MCC: variants seen among roughly 807,000 people sequenced by gnomAD.
MCC encodes the protein colorectal mutant cancer protein.
MCC carries 90 observed loss-of-function variants against 116.2 expected under a neutral mutation model. The ratio of observed to expected loss-of-function variants is 0.77; its 90% confidence interval spans 0.65 to 0.92. MCC has a LOEUF of 0.92. MCC is among the 40% of genes least tolerant of loss of function. The pLI, the probability that MCC is intolerant of heterozygous loss-of-function variation, is 0.00. For synonymous variants in MCC, 578 were observed against 510.5 expected (o/e 1.13, Z -1.78); for missense variants, 1,516 against 1,312.2 (o/e 1.16, Z -2.40).
intron 1 of MCC, among the ~76,000 whole-genome samples, chr5:113,467,014 C>G (rs1026556972): frequency 2.0e-5 from 3 of 151,742 alleles, no homozygotes; most frequent in African/African-American, 7.3e-5. Flanking sequence ...ATCCTTTGCC[C>G]ACTTTTTGAT....
intron 5 of MCC, among the ~76,000 whole-genome samples, chr5:113,138,807 A>T (rs186629403): frequency 3.3e-5 from 5 of 152,266 alleles, no homozygotes; most frequent in South Asian, 2.1e-4. Context: ...ACTCTCCCTT[A>T]TAAGTACCTG....
chr5:113,343,325 A>G (rs1768056264), intron 2 of MCC, among the ~76,000 whole-genome samples: 2 of 152,194 alleles, frequency 1.3e-5, no homozygotes, highest in African/African-American at 4.8e-5. Flanking sequence ...CAATTCTGTC[A>G]CTATATTTGC....
chr5:113,118,178 C>T (rs1349400172), intron 6 of MCC, among the ~76,000 whole-genome samples: 1 of 152,192 alleles, frequency 6.6e-6, no homozygotes, highest in African/African-American at 2.4e-5. Flanking sequence ...CATGTAAATG[C>T]TTGACACAGG....
intron 1 of MCC, among the ~76,000 whole-genome samples, chr5:113,485,407 G>C (rs1772492798): frequency 6.6e-6 from 1 of 152,190 alleles, no homozygotes; most frequent in Non-Finnish European, 1.5e-5. Context: ...TTGTTTAGGA[G>C]GTAATGTGCC....
intron 3 of MCC, among the ~76,000 whole-genome samples, chr5:113,173,192 A>G (rs189782548): frequency 6.6e-6 from 1 of 152,024 alleles, no homozygotes; most frequent in East Asian, 1.9e-4. Context: ...CCTCTCTCTG[A>G]TTTTTGTTTA....
At chr5:113,115,080 T>C (rs1022340116) in intron 6 of MCC, among the ~76,000 whole-genome samples, 4 of 152,094 alleles carry the variant, frequency 2.6e-5, no homozygotes, top group Non-Finnish European at 5.9e-5. Context: ...CTCTGGGGCT[T>C]TGGGGGTCAC....
At chr5:113,125,876 GA>G (rs965011646) in intron 5 of MCC, among the ~76,000 whole-genome samples, 3 of 152,242 alleles carry the variant, frequency 2.0e-5, no homozygotes, top group East Asian at 1.9e-4. Flanking sequence ...TTTCTTTGGG[GA>G]AAAAATGCCT....
chr5:113,324,582 A>G lies in MCC; in HGVS notation c.627+15937T>C, dbSNP rs569909664. 7.5e-4 allele frequency among the ~76,000 whole-genome samples: 115 copies of G among 152,332 alleles called. 1 individual carries two copies. The Middle Eastern group carries it at 0.014, about 18-fold the overall frequency. ...CTTTTCCTTCTCTATTATAAAAACC[A>G]TAAATTCTGATGTTAGGCAATTTGA... On this transcript the variant is annotated intron_variant, in intron 3 of 18. Transcript: ENST00000408903.
chr5:113,059,065 G>A (rs754244885), intron 14 of MCC, among the ~76,000 whole-genome samples: 6 of 152,076 alleles, frequency 3.9e-5, no homozygotes, highest in African/African-American at 9.7e-5. Flanking sequence ...CTTAGGGCCC[G>A]GAGCCTCATC....
Position 113,075,222 on chromosome 5 carries a change from G to A in MCC, c.1785-3988C>T, listed in dbSNP as rs142495753. ...GTGCACCGGGTACCACAGCACTTCCGGCCCGCTCGCGCCACGCTCGAATTC... is the reference window on the plus strand; with the variant it reads ...GTGCACCGGGTACCACAGCACTTCCAGCCCGCTCGCGCCACGCTCGAATTC... On this transcript the variant is annotated intron_variant, in intron 11 of 18. Coordinates refer to ENST00000408903, the MANE Select transcript of MCC (RefSeq NM_001085377.2). Among the ~76,000 whole-genome samples the A allele has an allele frequency of 5.1e-3, 780 of 152,318 alleles. 5 individuals carry two copies. The highest frequency in any genetic ancestry group is 8.5e-3 in the Non-Finnish European group (577 of 68,010).
At chr5:113,210,112 G>A (rs1763068021) in intron 3 of MCC, among the ~76,000 whole-genome samples, 1 of 152,126 alleles carries the variant, frequency 6.6e-6, no homozygotes, top group South Asian at 2.1e-4. Context: ...GCACACATTT[G>A]ACATTAGCAC....
At chr5:113,483,841 G>T (rs529246777) in intron 1 of MCC, among the ~76,000 whole-genome samples, 1 of 152,144 alleles carries the variant, frequency 6.6e-6, no homozygotes, top group Non-Finnish European at 1.5e-5. Context: ...GTATGTATAT[G>T]CCATGTGATA....
chr5:113,049,243 G>C lies in MCC; in HGVS notation c.2505C>G (p.Ala835=). 1 of 1,613,178 alleles carries C rather than the reference G, an allele frequency of 6.2e-7. No homozygotes were observed. The highest frequency in any genetic ancestry group is 1.1e-5 in the South Asian group (1 of 90,822). The change falls in exon 16 of 19, where the codon GCC becomes GCG. Residue 835 remains alanine, a synonymous_variant. Transcript: ENST00000408903. ...CCCGCGTGCTCAGCTTCAGCTCCAG[G>C]GCCTTCTTCTCTTTCTCCAGTAGGT... ...QLYLLEKEKK[A]LELKLSTREA... is the part of the protein sequence containing the mutation.
chr5:113,453,010 A>C (rs921911982), intron 1 of MCC, among the ~76,000 whole-genome samples: 3 of 152,240 alleles, frequency 2.0e-5, no homozygotes, highest in African/African-American at 7.2e-5. Context: ...TGAGGTGACA[A>C]AGTATCAACA....
chr5:113,279,681 C>A (rs1765961021), intron 3 of MCC, among the ~76,000 whole-genome samples: 1 of 152,142 alleles, frequency 6.6e-6, no homozygotes, highest in South Asian at 2.1e-4. Flanking sequence ...CTTGATAAGT[C>A]CAGATGCATT....
chr5:113,487,436 T>C lies in MCC; in HGVS notation c.170+809A>G, dbSNP rs143116945. The stretch of plus-strand genomic sequence containing the variant: ...GCCTTCTTCACCACAAGAGTCTAAG[T>C]GACACAAATTTGGGCAGAAGTAATT... On this transcript the variant is annotated intron_variant, in intron 1 of 18. Coordinates refer to ENST00000408903, the MANE Select transcript of MCC (RefSeq NM_001085377.2). Among the ~76,000 whole-genome samples, 230 of 152,284 alleles carry C rather than the reference T, an allele frequency of 1.5e-3. 7 individuals carry two copies. In the East Asian group the frequency reaches 0.037, roughly 24 times the overall value.
intron 1 of MCC, among the ~76,000 whole-genome samples, chr5:113,476,866 G>A (rs1007631312): frequency 6.6e-6 from 1 of 152,162 alleles, no homozygotes; most frequent in East Asian, 1.9e-4. Context: ...CCATTGAATT[G>A]TATGCTTTAA....
rs375420314 is a variant in MCC, at chr5:113,023,638, G to A, written c.*3664C>T. On this transcript the variant is annotated 3_prime_UTR_variant, in exon 19 of 19. Transcript: ENST00000408903. ...TTTGCTGAATCTAGAAGTAGGTAGAGCTGTAAATAGTTTAATAGAATGATT... is the reference window on the plus strand; with the variant it reads ...TTTGCTGAATCTAGAAGTAGGTAGAACTGTAAATAGTTTAATAGAATGATT... 9.9e-5 allele frequency: 15 copies of A among 152,274 alleles called. No individual in the cohort carries two copies. The East Asian group carries it at 2.3e-3, about 23-fold the overall frequency. 9.4% of individuals were successfully genotyped at this position (152,274 alleles called of 1,614,324 possible). A position where few individuals can be genotyped will look rare whatever the true frequency, so the allele number is the denominator to read the frequency against.
chr5:113,396,693 G>A (rs1311902866), intron 1 of MCC, among the ~76,000 whole-genome samples: 4 of 152,106 alleles, frequency 2.6e-5, no homozygotes, highest in African/African-American at 9.7e-5. Context: ...CTCTATAGAA[G>A]TAGGAAAACA....
Sources: allele counts gnomAD v4.1 joint callset (sites outside exome capture counted in the v4.1 genomes callset), GRCh38; gene constraint gnomAD v4.1.1; transcripts MANE v1.5; gene names NCBI Gene and HGNC (gene_info 2026-07-23, HGNC 2026-07-21).